Variants in ATF7IP observed in about 807,000 individuals in gnomAD.
ATF7IP encodes the protein activating transcription factor 7-interacting protein 1.
ATF7IP carries 23 observed loss-of-function variants against 106.4 expected under a neutral mutation model. The observed-to-expected ratio is 0.22, with a 90% CI of 0.16 to 0.31. The LOEUF (loss-of-function observed/expected upper bound fraction) is 0.31, where lower values mean the gene tolerates loss of function less well. Ranked by LOEUF, ATF7IP falls within the 10% of genes least tolerant of loss-of-function variation. ATF7IP has a pLI of 1.00. For synonymous variants in ATF7IP, 542 were observed against 539.0 expected, an observed-to-expected ratio of 1.01 and a Z score of -0.08; for missense variants, 1,334 against 1,524.3, an observed-to-expected ratio of 0.88 and a Z score of 2.08.
At chr12:14,460,101 A>T (rs1435102685) in intron 8 of ATF7IP, among the ~76,000 whole-genome samples, 1 of 152,172 alleles carries the variant, frequency 6.6e-6, no homozygotes, top group Non-Finnish European at 1.5e-5. Context: ...TTTATATATT[A>T]CTTGTGTTGT....
intron 9 of ATF7IP, among the ~76,000 whole-genome samples, chr12:14,465,173 C>T (rs1437393293): frequency 6.6e-6 from 1 of 151,902 alleles, no homozygotes; most frequent in African/African-American, 2.4e-5. Context: ...AAGATTGTGC[C>T]ACTGCACTCT....
At chr12:14,390,078 C>A (rs1939462658) in intron 1 of ATF7IP, among the ~76,000 whole-genome samples, 1 of 152,184 alleles carries the variant, frequency 6.6e-6, no homozygotes, top group Non-Finnish European at 1.5e-5. Flanking sequence ...TTCTCTTGCC[C>A]ACCTCTGGTC....
chr12:14,473,290 C>CTA (rs1491488005), intron 10 of ATF7IP, among the ~76,000 whole-genome samples: 10 of 129,942 alleles, frequency 7.7e-5, no homozygotes, highest in African/African-American at 3.0e-4. Flanking sequence ...CTCTCTCTCT[C>CTA]TGTGTGTGTG....
chr12:14,494,675 G>A (rs1044626384), intron 13 of ATF7IP, among the ~76,000 whole-genome samples: 8 of 151,216 alleles, frequency 5.3e-5, no homozygotes, highest in African/African-American at 1.9e-4. Flanking sequence ...GCTCACGCCT[G>A]TAATCCCAGC....
intron 13 of ATF7IP, among the ~76,000 whole-genome samples, chr12:14,494,434 TTA>T (rs1489424288): frequency 2.8e-5 from 4 of 144,360 alleles, no homozygotes; most frequent in African/African-American, 5.0e-5. Flanking sequence ...ATTTTATATA[TTA>T]TATATGTATT....
intron 8 of ATF7IP, among the ~76,000 whole-genome samples, chr12:14,459,040 A>G (rs75320291): frequency 6.6e-6 from 1 of 152,196 alleles, no homozygotes; most frequent in African/African-American, 2.4e-5. Flanking sequence ...CATGCTTTCA[A>G]TGACAGATAC....
intron 1 of ATF7IP, among the ~76,000 whole-genome samples, chr12:14,411,679 C>G (rs966169483): frequency 2.0e-5 from 3 of 151,862 alleles, no homozygotes; most frequent in African/African-American, 7.3e-5. Context: ...AGATACAAGT[C>G]TCGTATTGGG....
chr12:14,432,224 T>C (rs1214253475), intron 2 of ATF7IP, among the ~76,000 whole-genome samples: 1 of 152,202 alleles, frequency 6.6e-6, no homozygotes, highest in East Asian at 1.9e-4. Flanking sequence ...CTTTGTGCGA[T>C]GTGAGGATTT....
At chr12:14,404,854 G>A (rs1255789526) in intron 1 of ATF7IP, among the ~76,000 whole-genome samples, 1 of 152,032 alleles carries the variant, frequency 6.6e-6, no homozygotes, top group Non-Finnish European at 1.5e-5. Context: ...ATGATTAGGA[G>A]GTTAAGAGAG....
Position 14,424,505 on chromosome 12 carries a change from A to G in ATF7IP, c.590A>G (p.Asp197Gly), listed in dbSNP as rs745626873. ...GCCACCTCTGGTGATGCCACTGCTG[A>G]TGATCTCTCCTCTGGTGATCCCACC... ...GDATSGDATA[D>G]DLSSGDPTSS... The change falls in exon 2 of 15, where the codon GAT (aspartate) becomes GGT (glycine). Residue 197 changes from aspartate to glycine, a missense_variant. Physicochemically the swap from Asp to Gly is moderately conservative, Grantham distance 94. Around this residue, in one of 10 missense-constraint regions of ATF7IP, gnomAD observed 438 missense variants for 405.3 expected, o/e 1.08. Transcript: ENST00000261168. The G allele has an allele frequency of 3.7e-5, 59 of 1,613,726 alleles. No individual in the cohort carries two copies. Among genetic ancestry groups the G allele is most frequent in the South Asian group, 6.6e-5 (6 of 91,070 alleles).
intron 9 of ATF7IP, among the ~76,000 whole-genome samples, chr12:14,464,428 T>A (rs1245788999): frequency 6.6e-6 from 1 of 152,258 alleles, no homozygotes; most frequent in Non-Finnish European, 1.5e-5. Context: ...TTTTTTCTGT[T>A]CATACAATTA....
chr12:14,436,258 T>A lies in ATF7IP; in HGVS notation c.1791+7T>A. ...TAACCAGAAACTTCAAAAGGTATTG[T>A]GTCAATTATAAGTTATAAACCATAT... On this transcript the variant is annotated splice_region_variant and intron_variant, in intron 4 of 14. Coordinates refer to ENST00000261168, the MANE Select transcript of ATF7IP (RefSeq NM_018179.5). The A allele has an allele frequency of 6.2e-7, 1 of 1,609,710 alleles. No homozygotes were observed. The highest frequency in any genetic ancestry group is 8.5e-7 in the Non-Finnish European group (1 of 1,177,944).
chr12:14,494,333 ATGTG>A (rs1210425478), intron 13 of ATF7IP, among the ~76,000 whole-genome samples: 1 of 86,038 alleles, frequency 1.2e-5, no homozygotes, highest in Non-Finnish European at 2.3e-5. Flanking sequence ...ATATATATAT[ATGTG>A]TGTGTGTATA....
At chr12:14,490,668 A>G (rs969853563) in intron 13 of ATF7IP, among the ~76,000 whole-genome samples, 4 of 152,136 alleles carry the variant, frequency 2.6e-5, no homozygotes, top group Admixed American at 6.5e-5. Context: ...TCCACTGTCA[A>G]GTGATCACAG....
chr12:14,405,898 T>G (rs946659056), intron 1 of ATF7IP, among the ~76,000 whole-genome samples: 17 of 152,166 alleles, frequency 1.1e-4, no homozygotes, highest in African/African-American at 3.9e-4. Flanking sequence ...AAATTTTGAT[T>G]GGTATGTGAT....
At chr12:14,488,815 A>G (rs1944712776) in intron 13 of ATF7IP, among the ~76,000 whole-genome samples, 1 of 150,908 alleles carries the variant, frequency 6.6e-6, no homozygotes, top group Non-Finnish European at 1.5e-5. Flanking sequence ...ACATAAAGTT[A>G]ACAATACTTA....
chr12:14,486,838 G>A (rs114966298), intron 13 of ATF7IP, among the ~76,000 whole-genome samples: 8,605 of 151,886 alleles, frequency 0.057, 377 homozygotes, highest in African/African-American at 0.11. Flanking sequence ...GGTTCCCACC[G>A]TTAGATCTGA....
intron 1 of ATF7IP, among the ~76,000 whole-genome samples, chr12:14,391,235 G>T (rs1393049426): frequency 6.6e-6 from 1 of 152,194 alleles, no homozygotes; most frequent in Non-Finnish European, 1.5e-5. Flanking sequence ...AGCACAAATT[G>T]ATTTAGCAAA....
intron 1 of ATF7IP, among the ~76,000 whole-genome samples, chr12:14,389,033 A>G (rs12304681): frequency 0.018 from 2,722 of 152,282 alleles, 46 homozygotes; most frequent in Middle Eastern, 0.065. Context: ...CAATTTACAT[A>G]ATGTTTCAGA....
Sources: gnomAD v4.1 joint callset for allele counts (sites outside exome capture counted in the v4.1 genomes callset) on GRCh38, gnomAD v4.1.1 for gene constraint, gnomAD v4.1.1 regional missense constraint, MANE v1.5 for transcripts, NCBI Gene and HGNC (gene_info 2026-07-23, HGNC 2026-07-21) for gene names.